XKR6: variants seen among roughly 807,000 people sequenced by gnomAD.
XKR6 encodes XK related 6.
XKR6 carries 22 observed loss-of-function variants against 56.7 expected under a neutral mutation model. The ratio of observed to expected loss-of-function variants is 0.39; its 90% CI spans 0.28 to 0.55. The LOEUF is 0.55. Ranked by LOEUF, XKR6 falls within the 20% of genes least tolerant of loss-of-function variation. The pLI, the probability that XKR6 is intolerant of heterozygous loss-of-function variation, is 0.66. For missense variants in XKR6, 852 were observed against 889.0 expected, an observed-to-expected ratio of 0.96 and a Z score of 0.53; for synonymous variants, 524 against 387.8, an observed-to-expected ratio of 1.35 and a Z score of -4.13.
chr8:11,088,790 A>G (rs1325114704), intron 1 of XKR6, among the ~76,000 whole-genome samples: 1 of 152,216 alleles, frequency 6.6e-6, no homozygotes, highest in African/African-American at 2.4e-5. Flanking sequence ...AATAGAATAG[A>G]ATGGTATCTG....
intron 1 of XKR6, among the ~76,000 whole-genome samples, chr8:10,928,676 G>A (rs1238150379): frequency 6.6e-6 from 1 of 152,172 alleles, no homozygotes; most frequent in Non-Finnish European, 1.5e-5. Flanking sequence ...CCACAGGCCC[G>A]CGCCCTCTTC....
chr8:11,087,816 T>C lies in XKR6; in HGVS notation c.764+112760A>G, dbSNP rs114886102. Among the ~76,000 whole-genome samples the C allele has an allele frequency of 9.5e-4, 144 of 152,292 alleles. 1 individual carries two copies. The highest frequency in any genetic ancestry group is 3.2e-3 in the African/African-American group (135 of 41,556). On this transcript the variant is annotated intron_variant, in intron 1 of 2. Transcript: ENST00000416569. The stretch of plus-strand genomic sequence containing the variant: ...CGCAAAGGTCATCTCCACTGATAAG[T>C]AGTGAGTTTCCGTCACTAGAAATGC...
chr8:11,137,057 C>T (rs1336503844), intron 1 of XKR6: 1 of 153,524 alleles, frequency 6.5e-6, no homozygotes, highest in African/African-American at 2.4e-5. Context: ...CAGTAGACTA[C>T]AAATGTGCGT....
chr8:10,938,613 A>G (rs1801298854), intron 1 of XKR6, among the ~76,000 whole-genome samples: 1 of 152,252 alleles, frequency 6.6e-6, no homozygotes, highest in African/African-American at 2.4e-5. Flanking sequence ...AGTTATATAC[A>G]GTGTGATTCC....
intron 1 of XKR6, among the ~76,000 whole-genome samples, chr8:11,082,777 G>T (rs975295953): frequency 6.6e-6 from 1 of 152,192 alleles, no homozygotes; most frequent in African/African-American, 2.4e-5. Context: ...CCTTTGGGCC[G>T]TCCTCGAACA....
intron 1 of XKR6, among the ~76,000 whole-genome samples, chr8:11,127,285 T>C (rs1252901253): frequency 6.6e-6 from 1 of 152,268 alleles, no homozygotes; most frequent in Non-Finnish European, 1.5e-5. Context: ...TCTACTGCTT[T>C]CTTTTCTAAT....
chr8:11,102,987 G>A (rs12543056), intron 1 of XKR6, among the ~76,000 whole-genome samples: 3,537 of 152,248 alleles, frequency 0.023, 151 homozygotes, highest in African/African-American at 0.078. Context: ...TAGAGAAACG[G>A]CTTTTATGCA....
rs149098318 is a variant in XKR6 at position 10,923,781 on chromosome 8, C to T, written c.961+853G>A. 2.0e-3 allele frequency among the ~76,000 whole-genome samples: 310 copies of T among 152,300 alleles called. 1 individual carries two copies. The highest frequency in any genetic ancestry group is 7.1e-3 in the African/African-American group (295 of 41,570). ...TGAGAATACAAGAGACCAGGAGGTACTGCTGGCCAGGGAGAGCTGGGGTAT... is the reference window on the plus strand; with the variant it reads ...TGAGAATACAAGAGACCAGGAGGTATTGCTGGCCAGGGAGAGCTGGGGTAT... On this transcript the variant is annotated intron_variant, in intron 2 of 2. Transcript: ENST00000416569.
intron 1 of XKR6, among the ~76,000 whole-genome samples, chr8:11,099,587 T>G (rs935551570): frequency 1.3e-5 from 2 of 152,200 alleles, no homozygotes; most frequent in African/African-American, 4.8e-5. Context: ...AAATCCACAT[T>G]CTTTAAAATC....
intron 1 of XKR6, among the ~76,000 whole-genome samples, chr8:11,101,566 C>A (rs1048467819): frequency 1.3e-5 from 2 of 152,196 alleles, no homozygotes; most frequent in Admixed American, 1.3e-4. Flanking sequence ...TTACTAACCA[C>A]CTTCTCTTCT....
intron 1 of XKR6, among the ~76,000 whole-genome samples, chr8:11,083,274 C>T (rs1366635163): frequency 2.0e-5 from 3 of 152,190 alleles, no homozygotes; most frequent in Non-Finnish European, 2.9e-5. Context: ...GAAGGCCTTA[C>T]AGGAGTGAGG....
At chr8:11,123,790 T>A (rs567597962) in intron 1 of XKR6, 4 of 449,080 alleles carry the variant, frequency 8.9e-6, no homozygotes, top group Non-Finnish European at 1.8e-5. Context: ...AGTCTCCTCA[T>A]CTCAGTGTAA....
chr8:11,132,429 G>C (rs910601527), intron 1 of XKR6, among the ~76,000 whole-genome samples: 1 of 151,524 alleles, frequency 6.6e-6, no homozygotes, highest in South Asian at 2.1e-4. Context: ...TGCAATCTCG[G>C]ATCGCTCACT....
chr8:11,069,828 T>C (rs1485117418), intron 1 of XKR6, among the ~76,000 whole-genome samples: 1 of 152,168 alleles, frequency 6.6e-6, no homozygotes, highest in Non-Finnish European at 1.5e-5. Flanking sequence ...CCAGACTCAC[T>C]GACAGGCTAA....
chr8:10,952,697 C>G (rs1332419464), intron 1 of XKR6, among the ~76,000 whole-genome samples: 1 of 152,176 alleles, frequency 6.6e-6, no homozygotes, highest in Non-Finnish European at 1.5e-5. Flanking sequence ...GAAATGTAGT[C>G]CCCAGTGCTG....
At chr8:11,195,716 T>C (rs1803846600) in intron 1 of XKR6, among the ~76,000 whole-genome samples, 1 of 151,388 alleles carries the variant, frequency 6.6e-6, no homozygotes, top group Admixed American at 6.6e-5. Context: ...TGGCGCGAAC[T>C]TGGCTCACTG....
chr8:11,115,290 G>C (rs1563146857), intron 1 of XKR6, among the ~76,000 whole-genome samples: 1 of 152,126 alleles, frequency 6.6e-6, no homozygotes, highest in Non-Finnish European at 1.5e-5. Flanking sequence ...GAGAATGCTG[G>C]TGGTTTTGGT....
chr8:10,964,399 G>C (rs1046067701), intron 1 of XKR6, among the ~76,000 whole-genome samples: 2 of 152,124 alleles, frequency 1.3e-5, no homozygotes, highest in African/African-American at 4.8e-5. Flanking sequence ...CTTAGACCTG[G>C]AGGCTCCGAA....
intron 1 of XKR6, among the ~76,000 whole-genome samples, chr8:11,007,097 C>G (rs935108301): frequency 6.6e-6 from 1 of 152,142 alleles, no homozygotes; most frequent in Non-Finnish European, 1.5e-5. Flanking sequence ...AAAAAAAAGT[C>G]TTGTTGTATC....
Sources: gnomAD v4.1 joint callset for allele counts (sites outside exome capture counted in the v4.1 genomes callset) on GRCh38, gnomAD v4.1.1 for gene constraint, MANE v1.5 for transcripts, NCBI Gene and HGNC (gene_info 2026-07-23, HGNC 2026-07-21) for gene names.